The following H2BC5 variants were observed in gnomAD, a reference collection of about 807,000 sequenced individuals.
H2BC5 encodes the protein histone H2B type 1-D.
Under a neutral mutation model 5.7 loss-of-function variants are expected in H2BC5, and 9 were observed. That is an observed-to-expected ratio of 1.57 (90% CI 0.95 to 2.74). H2BC5 has a LOEUF of 2.74. H2BC5 is among the 30% of genes most tolerant of loss of function. The pLI, the probability that H2BC5 is intolerant of heterozygous loss-of-function variation, is 0.00. For synonymous variants in H2BC5, 133 were observed against 70.9 expected (o/e 1.88, Z -4.40); for missense variants, 175 against 168.8 (o/e 1.04, Z -0.20).
chr6:26,162,831 G>A (rs540932712), downstream of H2BC5, among the ~76,000 whole-genome samples: 2 of 152,256 alleles, frequency 1.3e-5, no homozygotes, highest in South Asian at 2.1e-4. Flanking sequence ...GAGCCACCGT[G>A]CCGAGCCCGG....
At chr6:26,158,808 C>T (rs769613653), downstream of H2BC5, among the ~76,000 whole-genome samples, 3 of 152,168 alleles carry the variant, frequency 2.0e-5, no homozygotes, top group African/African-American at 4.8e-5. Flanking sequence ...ATAACACTAG[C>T]ATAAACTGAA....
chr6:26,160,514 GAA>G (rs34183291), downstream of H2BC5, among the ~76,000 whole-genome samples: 33 of 55,162 alleles, frequency 6.0e-4, no homozygotes, highest in Middle Eastern at 0.012. Context: ...TCCTGTCTCT[GAA>G]AAAAAAAAAA....
chr6:26,159,232 T>C (rs1764303864), downstream of H2BC5, among the ~76,000 whole-genome samples: 1 of 148,934 alleles, frequency 6.7e-6, no homozygotes, highest in Non-Finnish European at 1.5e-5. Context: ...TGAAAGTCAT[T>C]TAATTTATAG....
chr6:26,171,293 T>A (rs1764510337), exon 2 of H2BC5: 1 of 152,226 alleles, frequency 6.6e-6, no homozygotes, highest in Non-Finnish European at 1.5e-5. Flanking sequence ...AATGAGAAGA[T>A]GGCAGGACGT....
chr6:26,158,761 T>TG, downstream of H2BC5: 2 of 777,846 alleles, frequency 2.6e-6, no homozygotes, highest in Non-Finnish European at 2.0e-6. Context: ...TTGAGTGCTA[T>TG]GGGTACGTAT....
intron 1 of H2BC5, among the ~76,000 whole-genome samples, chr6:26,166,667 C>T (rs1019140501): frequency 6.8e-5 from 10 of 147,778 alleles, no homozygotes; most frequent in African/African-American, 2.3e-4. Context: ...TGGTGGTCGG[C>T]ACGAGCAGAG....
At chr6:26,164,042 A>G in intron 1 of H2BC5, 1 of 455,510 alleles carries the variant, frequency 2.2e-6, no homozygotes. Context: ...ACTTATTGAA[A>G]TATTCCAAAG....
intron 1 of H2BC5, chr6:26,164,204 C>A: frequency 2.4e-6 from 1 of 423,178 alleles, no homozygotes; most frequent in Non-Finnish European, 4.8e-6. Context: ...GGGCAGGAAG[C>A]AGTGCCCCTC....
downstream of H2BC5, among the ~76,000 whole-genome samples, chr6:26,160,000 C>A (rs1390190710): frequency 1.3e-5 from 2 of 152,156 alleles, no homozygotes; most frequent in Non-Finnish European, 2.9e-5. Context: ...GAAGGTGAGA[C>A]ACCAGACCTA....
downstream of H2BC5, among the ~76,000 whole-genome samples, chr6:26,162,817 G>A (rs908934723): frequency 5.3e-5 from 8 of 152,168 alleles, no homozygotes; most frequent in African/African-American, 1.9e-4. Context: ...GGGATTACAG[G>A]TGTGAGCCAC....
In H2BC5 at chr6:26,158,211, C is replaced by T. The variant is rs2298091; in HGVS notation, c.42C>T (p.Gly14=). Residue 14 remains glycine (G), a synonymous_variant, in exon 1 of 1, where the codon GGC becomes GGT. Coordinates refer to ENST00000377777, the MANE Select transcript of H2BC5 (RefSeq NM_021063.4). ...AGTCTGCTCCTGCCCCAAAGAAGGG[C>T]TCCAAGAAGGCGGTGACTAAGGCTC... ...PTKSAPAPKK[G]SKKAVTKAQK... The T allele has an allele frequency of 1.1e-5, 18 of 1,614,210 alleles. No homozygotes were observed. The highest frequency in any genetic ancestry group is 1.6e-4 in the Middle Eastern group (1 of 6,062).
rs374968888 is a variant in H2BC5, at chr6:26,158,152, C to T, written c.-18C>T. ...TTTCTCAGGTGTTTGCAACAGTGTT[C>T]TAACTATTAACGCTACGATGCCTGA... is the stretch of plus-strand genomic sequence containing the variant. On this transcript the variant is annotated 5_prime_UTR_variant, in exon 1 of 1. Transcript: ENST00000377777. The T allele has an allele frequency of 5.0e-6, 8 of 1,607,786 alleles. No individual in the cohort carries two copies. The East Asian group carries it at 6.7e-5, about 13-fold the overall frequency.
At chr6:26,169,638 A>G (rs1764486113) in intron 1 of H2BC5, among the ~76,000 whole-genome samples, 2 of 152,120 alleles carry the variant, frequency 1.3e-5, no homozygotes, top group Non-Finnish European at 2.9e-5. Context: ...AGAGAAATTG[A>G]GAAGTACTCA....
At chr6:26,167,701 T>A (rs1764452367) in intron 1 of H2BC5, among the ~76,000 whole-genome samples, 1 of 151,784 alleles carries the variant, frequency 6.6e-6, no homozygotes, top group Admixed American at 6.6e-5. Context: ...TGTTGAAGGG[T>A]CCTTGGATTT....
At chr6:26,158,913 T>A (rs1269902051), downstream of H2BC5, among the ~76,000 whole-genome samples, 1 of 152,220 alleles carries the variant, frequency 6.6e-6, no homozygotes, top group African/African-American at 2.4e-5. Context: ...CGGCCCGCCC[T>A]GAGCACGAAA....
downstream of H2BC5, among the ~76,000 whole-genome samples, chr6:26,159,268 TTTTTG>T (rs1764308531): frequency 6.9e-6 from 1 of 144,302 alleles, no homozygotes; most frequent in Non-Finnish European, 1.5e-5. Flanking sequence ...TTTTTTTTTT[TTTTTG>T]GCAGCTTTCA....
rs761070490 is a variant in H2BC5, at chr6:26,158,590, T to G, written c.*40T>G. 1.9e-6 allele frequency: 3 copies of G among 1,601,228 alleles called. No homozygotes were observed. The highest frequency in any genetic ancestry group is 2.6e-6 in the Non-Finnish European group (3 of 1,174,770). On this transcript the variant is annotated 3_prime_UTR_variant, in exon 1 of 1. Coordinates refer to ENST00000377777, the MANE Select transcript of H2BC5 (RefSeq NM_021063.4). ...CATCTTTACACCTAATCCCAAAGGC[T>G]CTTTTAAGAGCCACGCATGTTTTCA... is the stretch of plus-strand genomic sequence containing the variant.
rs757195477 is a variant in H2BC5, at chr6:26,158,179, C to A, written c.10C>A (p.Pro4Thr). 1.9e-6 allele frequency: 3 copies of A among 1,613,800 alleles called. No homozygotes were observed. The highest frequency in any genetic ancestry group is 2.5e-6 in the Non-Finnish European group (3 of 1,179,898). ...AACTATTAACGCTACGATGCCTGAA[C>A]CTACCAAGTCTGCTCCTGCCCCAAA... Reference protein sequence around the residue: MPEPTKSAPAPKKG... With the variant: MPETTKSAPAPKKG... The change falls in exon 1 of 1, where the codon CCT (proline) becomes ACT (threonine). Residue 4 changes from proline (P) to threonine (T), a missense_variant. Around this residue, in one of 4 missense-constraint regions of H2BC5, gnomAD observed 119 missense variants for 85.6 expected, o/e 1.39. Transcript: ENST00000377777.
downstream of H2BC5, among the ~76,000 whole-genome samples, chr6:26,160,460 G>T (rs139501961): frequency 7.1e-4 from 107 of 150,732 alleles, no homozygotes; most frequent in African/African-American, 2.5e-3. Flanking sequence ...CCAGCACTTC[G>T]GGAGGCTGAG....
Sources: allele counts gnomAD v4.1 joint callset (sites outside exome capture counted in the v4.1 genomes callset), GRCh38; gene constraint gnomAD v4.1.1; regional missense constraint gnomAD v4.1.1; transcripts MANE v1.5; gene names NCBI Gene and HGNC (gene_info 2026-07-23, HGNC 2026-07-21).